Variants in SYT1 observed in about 807,000 individuals in gnomAD.
SYT1 encodes synaptotagmin 1.
A neutral mutation model predicts 44.8 loss-of-function variants in SYT1; 8 were observed. That is an observed-to-expected ratio of 0.18 (90% confidence interval 0.10 to 0.32). The LOEUF is 0.32. Ranked by LOEUF, SYT1 falls within the 10% of genes least tolerant of loss-of-function variation. The pLI, the probability that SYT1 is intolerant of heterozygous loss-of-function variation, is 1.00. For missense variants in SYT1, 286 were observed against 509.3 expected (o/e 0.56, Z 4.22); for synonymous variants, 154 against 188.8 (o/e 0.82, Z 1.51).
chr12:78,949,980 CAA>C (rs1878877237), intron 1 of SYT1, among the ~76,000 whole-genome samples: 1 of 151,810 alleles, frequency 6.6e-6, no homozygotes, highest in African/African-American at 2.4e-5. Flanking sequence ...CTTTTTTTCA[CAA>C]GTTACAAATA....
chr12:79,080,213 C>T (rs992300507), intron 3 of SYT1, among the ~76,000 whole-genome samples: 1 of 151,954 alleles, frequency 6.6e-6, no homozygotes, highest in African/African-American at 2.4e-5. Flanking sequence ...AGACATTTAT[C>T]CAATGATATA....
intron 9 of SYT1, among the ~76,000 whole-genome samples, chr12:79,414,444 A>T (rs1312484697): frequency 6.6e-6 from 1 of 152,148 alleles, no homozygotes; most frequent in African/African-American, 2.4e-5. Context: ...GTCCTGAAGC[A>T]TAGCTCTCCC....
intron 3 of SYT1, among the ~76,000 whole-genome samples, chr12:79,080,474 T>C (rs1246168680): frequency 6.6e-6 from 1 of 152,116 alleles, no homozygotes; most frequent in African/African-American, 2.4e-5. Context: ...AGAAAAGCCA[T>C]TCACTACACT....
intron 8 of SYT1, 50 bp downstream of exon 8, chr12:79,299,601 G>A (rs749390898): frequency 6.3e-7 from 1 of 1,587,880 alleles, no homozygotes; most frequent in Non-Finnish European, 8.6e-7. Flanking sequence ...CTCGCCAGTT[G>A]CTGCTCATAT....
chr12:79,241,227 C>T (rs552285684), intron 4 of SYT1, among the ~76,000 whole-genome samples: 7 of 150,978 alleles, frequency 4.6e-5, no homozygotes, highest in East Asian at 3.9e-4. Context: ...TAGAAAAAAG[C>T]GATTCGTTTA....
At chr12:78,974,039 C>T (rs1336273500) in intron 1 of SYT1, among the ~76,000 whole-genome samples, 2 of 130,136 alleles carry the variant, frequency 1.5e-5, no homozygotes, top group East Asian at 5.0e-4. Flanking sequence ...CATCATTAGG[C>T]ATTTTGTCAT....
At chr12:79,391,398 G>C (rs1228639324) in intron 9 of SYT1, among the ~76,000 whole-genome samples, 2 of 152,110 alleles carry the variant, frequency 1.3e-5, no homozygotes, top group African/African-American at 2.4e-5. Context: ...AACAGTAAAA[G>C]AAGCTTTCAA....
At chr12:79,160,015 A>G (rs1010220518) in intron 3 of SYT1, among the ~76,000 whole-genome samples, 4 of 152,202 alleles carry the variant, frequency 2.6e-5, no homozygotes, top group Non-Finnish European at 4.4e-5. Context: ...CTTACTGAGT[A>G]TTACATGGAA....
At chr12:79,203,251 C>T (rs1318373128) in intron 3 of SYT1, among the ~76,000 whole-genome samples, 1 of 152,130 alleles carries the variant, frequency 6.6e-6, no homozygotes. Context: ...CACAGCTGCT[C>T]AACGGCATTG....
intron 2 of SYT1, among the ~76,000 whole-genome samples, chr12:79,021,909 G>T (rs1255766545): frequency 6.7e-6 from 1 of 149,916 alleles, no homozygotes; most frequent in Non-Finnish European, 1.5e-5. Context: ...CCTTTTTTTT[G>T]AAAGCATCTT....
At chr12:79,361,537 C>A (rs990903883) in intron 9 of SYT1, among the ~76,000 whole-genome samples, 1 of 152,192 alleles carries the variant, frequency 6.6e-6, no homozygotes, top group East Asian at 1.9e-4. Context: ...TATCATGGAA[C>A]TCACTAACAT....
chr12:79,337,105 A>G (rs1882126730), intron 8 of SYT1, among the ~76,000 whole-genome samples: 1 of 151,930 alleles, frequency 6.6e-6, no homozygotes, highest in South Asian at 2.1e-4. Flanking sequence ...TGGCTCACAG[A>G]TAGATTGTGT....
intron 2 of SYT1, chr12:78,995,882 A>G (rs1399116398): frequency 2.0e-5 from 3 of 152,194 alleles, no homozygotes; most frequent in African/African-American, 7.2e-5. Flanking sequence ...GTTTGAATGA[A>G]CTGTGGTGTT....
intron 2 of SYT1, among the ~76,000 whole-genome samples, chr12:79,011,804 A>G (rs999725757): frequency 6.6e-6 from 1 of 152,056 alleles, no homozygotes; most frequent in African/African-American, 2.4e-5. Flanking sequence ...AACTTTGCCT[A>G]AAATATAAAC....
chr12:79,124,107 A>G (rs756669028), intron 3 of SYT1, among the ~76,000 whole-genome samples: 25 of 152,326 alleles, frequency 1.6e-4, no homozygotes, highest in Non-Finnish European at 3.2e-4. Context: ...ATTGTCAAAA[A>G]GAAAAACCTC....
At chr12:79,096,814 T>A (rs1592746000) in intron 3 of SYT1, among the ~76,000 whole-genome samples, 1 of 151,988 alleles carries the variant, frequency 6.6e-6, no homozygotes, top group Non-Finnish European at 1.5e-5. Flanking sequence ...GAATTAAATT[T>A]AGTACCCAGT....
At chr12:78,870,911 CT>C (rs1173660444) in intron 1 of SYT1, among the ~76,000 whole-genome samples, 1 of 151,998 alleles carries the variant, frequency 6.6e-6, no homozygotes, top group Admixed American at 6.6e-5. Context: ...CAGAGCTGTA[CT>C]TACGTGAACA....
chr12:79,429,936 A>G (rs1869680464), intron 9 of SYT1, among the ~76,000 whole-genome samples: 1 of 152,214 alleles, frequency 6.6e-6, no homozygotes, highest in South Asian at 2.1e-4. Context: ...TGGATTTCCT[A>G]TTTATGAAAA....
chr12:79,191,994 G>T (rs948063356), intron 3 of SYT1, among the ~76,000 whole-genome samples: 1 of 152,008 alleles, frequency 6.6e-6, no homozygotes, highest in African/African-American at 2.4e-5. Context: ...GGAAAACAAT[G>T]GTACTTTTAA....
Sources: gnomAD v4.1 joint callset for allele counts (sites outside exome capture counted in the v4.1 genomes callset) on GRCh38, gnomAD v4.1.1 for gene constraint, MANE v1.5 for transcripts, NCBI Gene and HGNC (gene_info 2026-07-23, HGNC 2026-07-21) for gene names.